SPECC1: variants seen among roughly 807,000 people sequenced by gnomAD.
SPECC1 encodes the protein sperm antigen with calponin homology and coiled-coil domains 1.
A neutral mutation model predicts 104.1 loss-of-function variants in SPECC1; 62 were observed. The ratio of observed to expected loss-of-function variants is 0.60; its 90% confidence interval spans 0.49 to 0.74. The LOEUF is 0.74. SPECC1 is among the 30% of genes least tolerant of loss of function. SPECC1 has a pLI of 0.00. For synonymous variants in SPECC1, 513 were observed against 501.6 expected, an observed-to-expected ratio of 1.02 and a Z score of -0.30; for missense variants, 1,306 against 1,310.5, an observed-to-expected ratio of 1.00 and a Z score of 0.05.
chr17:20,125,397 T>C (rs897097203), intron 3 of SPECC1, among the ~76,000 whole-genome samples: 2 of 152,226 alleles, frequency 1.3e-5, no homozygotes, highest in African/African-American at 4.8e-5. Context: ...TCTATTTTAT[T>C]CTACATTTAA....
At chr17:20,283,919 G>C (rs2040858745) in intron 12 of SPECC1, among the ~76,000 whole-genome samples, 1 of 152,048 alleles carries the variant, frequency 6.6e-6, no homozygotes, top group African/African-American at 2.4e-5. Flanking sequence ...AATATATTTT[G>C]AGTATTAGTC....
chr17:20,182,911 A>G (rs1049441233), intron 3 of SPECC1, among the ~76,000 whole-genome samples: 7 of 152,240 alleles, frequency 4.6e-5, no homozygotes, highest in African/African-American at 9.6e-5. Flanking sequence ...GGAACCACCA[A>G]GTGCCCAACA....
chr17:20,206,114 TG>T (rs1000732756), intron 4 of SPECC1, among the ~76,000 whole-genome samples: 1 of 152,188 alleles, frequency 6.6e-6, no homozygotes, highest in African/African-American at 2.4e-5. Flanking sequence ...TTTCTGATTA[TG>T]GGCGGTTCAA....
intron 3 of SPECC1, chr17:20,156,184 G>C: frequency 6.9e-7 from 1 of 1,446,644 alleles, no homozygotes; most frequent in South Asian, 1.4e-5. Context: ...GCTGGTGCCC[G>C]AGTCGGCCAA....
chr17:20,264,016 G>A (rs1360578722), intron 12 of SPECC1, among the ~76,000 whole-genome samples: 1 of 152,112 alleles, frequency 6.6e-6, no homozygotes, highest in Non-Finnish European at 1.5e-5. Flanking sequence ...TTAGAAATAT[G>A]ACCATGTGTC....
chr17:20,143,679 C>T (rs1385074357), intron 3 of SPECC1, among the ~76,000 whole-genome samples: 2 of 151,316 alleles, frequency 1.3e-5, no homozygotes, highest in Non-Finnish European at 2.9e-5. Context: ...AAAAAAAAAA[C>T]AAAAAAACAA....
At position 20,276,012 on chromosome 17, in the gene SPECC1, AC is replaced by A. The variant is rs145741502; in HGVS notation, c.2940+15719del. The stretch of plus-strand genomic sequence containing the variant: ...GTTAATCCTTTTGATCTAGAAGCTT[AC>A]ATTTTATATACCAATATTGCTATTT... On this transcript the variant is annotated intron_variant, in intron 12 of 14. Coordinates refer to ENST00000395527, the MANE Select transcript of SPECC1 (RefSeq NM_001243439.2). Among the ~76,000 whole-genome samples, 481 of 152,204 alleles carry A rather than the reference AC, an allele frequency of 3.2e-3. 3 individuals are homozygous for A. Among genetic ancestry groups the A allele is most frequent in the African/African-American group, 0.011 (453 of 41,546 alleles).
intron 3 of SPECC1, among the ~76,000 whole-genome samples, chr17:20,158,637 A>G (rs2032831118): frequency 2.0e-5 from 3 of 152,222 alleles, no homozygotes; most frequent in Non-Finnish European, 2.9e-5. Flanking sequence ...GCCAGAGGCT[A>G]CTTTGGAAGA....
chr17:20,302,568 C>A (rs1203567891), intron 13 of SPECC1, among the ~76,000 whole-genome samples: 1 of 151,710 alleles, frequency 6.6e-6, no homozygotes, highest in African/African-American at 2.4e-5. Flanking sequence ...GAATAAAAAA[C>A]CACCCCCTCT....
chr17:20,300,818 G>A (rs771979830), intron 13 of SPECC1, among the ~76,000 whole-genome samples: 2 of 152,220 alleles, frequency 1.3e-5, no homozygotes, highest in Non-Finnish European at 2.9e-5. Flanking sequence ...CGACCACCAG[G>A]GAGTGTGTAA....
intron 3 of SPECC1, among the ~76,000 whole-genome samples, chr17:20,154,245 T>C (rs1323403397): frequency 6.6e-6 from 1 of 152,176 alleles, no homozygotes; most frequent in Non-Finnish European, 1.5e-5. Context: ...TATGGAATGG[T>C]GATCAGTGTC....
chr17:20,031,323 A>G (rs2044802092), intron 1 of SPECC1, among the ~76,000 whole-genome samples: 1 of 151,408 alleles, frequency 6.6e-6, no homozygotes, highest in Admixed American at 6.6e-5. Context: ...AATTTTTTTT[A>G]TTTTTTATTT....
At chr17:20,248,769 A>G (rs2039517681) in intron 9 of SPECC1, among the ~76,000 whole-genome samples, 1 of 152,158 alleles carries the variant, frequency 6.6e-6, no homozygotes, top group Non-Finnish European at 1.5e-5. Flanking sequence ...ACATTTTTTC[A>G]TATGTAATTG....
At chr17:20,297,505 C>T (rs982346109) in intron 13 of SPECC1, among the ~76,000 whole-genome samples, 3 of 152,186 alleles carry the variant, frequency 2.0e-5, no homozygotes, top group African/African-American at 7.2e-5. Flanking sequence ...ATCCACTTAA[C>T]CTCTTTACTT....
At chr17:20,235,848 A>G (rs766467995) in intron 7 of SPECC1, among the ~76,000 whole-genome samples, 19 of 149,596 alleles carry the variant, frequency 1.3e-4, no homozygotes, top group Non-Finnish European at 2.7e-4. Context: ...CATTTTGCCT[A>G]TACCACAAGT....
At chr17:20,116,491 C>T (rs1353314377) in intron 3 of SPECC1, among the ~76,000 whole-genome samples, 11 of 103,244 alleles carry the variant, frequency 1.1e-4, no homozygotes, top group Non-Finnish European at 6.8e-5. Flanking sequence ...GTGTGAGCAT[C>T]TATAAAAAAA....
At chr17:20,239,347 T>A (rs978710069) in intron 7 of SPECC1, 25 of 950,102 alleles carry the variant, frequency 2.6e-5, no homozygotes, top group South Asian at 4.9e-5. Context: ...GTGTTAACAG[T>A]GTGTACATTT....
rs566367792 is a variant in SPECC1, at chr17:20,315,010, G to A, written c.*945G>A. On this transcript the variant is annotated 3_prime_UTR_variant, in exon 15 of 15. Transcript: ENST00000395527. ...TCACAGTAGGGAAACCGCAGTCCTCGTCACCTGCGCCTTTGTCCTCCCATT... is the reference window on the plus strand; with the variant it reads ...TCACAGTAGGGAAACCGCAGTCCTCATCACCTGCGCCTTTGTCCTCCCATT... The A allele has an allele frequency of 4.3e-5, 10 of 232,714 alleles. No individual in the cohort carries two copies. The South Asian group carries it at 1.6e-3, about 38-fold the overall frequency. 14.4% of individuals were successfully genotyped at this position (232,714 alleles called of 1,614,324 possible). A position where few individuals can be genotyped will look rare whatever the true frequency, so the allele number is the denominator to read the frequency against.
chr17:20,179,250 G>T (rs918359789), intron 3 of SPECC1, among the ~76,000 whole-genome samples: 1 of 152,266 alleles, frequency 6.6e-6, no homozygotes, highest in South Asian at 2.1e-4. Flanking sequence ...GTTCCTGGGC[G>T]TAGACAGTGT....
Sources: gnomAD v4.1 joint callset for allele counts (sites outside exome capture counted in the v4.1 genomes callset) on GRCh38, gnomAD v4.1.1 for gene constraint, MANE v1.5 for transcripts, NCBI Gene and HGNC (gene_info 2026-07-23, HGNC 2026-07-21) for gene names.